CD226: variants seen among roughly 807,000 people sequenced by gnomAD.
CD226 encodes the protein CD226 antigen.
CD226 carries 24 observed loss-of-function variants against 34.9 expected under a neutral mutation model. The observed-to-expected ratio is 0.69, with a 90% confidence interval of 0.50 to 0.97. The LOEUF (loss-of-function observed/expected upper bound fraction) is 0.97. Among genes scored for constraint, CD226 ranks in the 50% least tolerant of loss-of-function variants. CD226 has a pLI of 0.00. For missense variants in CD226, 397 were observed against 412.7 expected (o/e 0.96, Z 0.33); for synonymous variants, 148 against 147.4 (o/e 1.00, Z -0.03).
At chr18:69,906,831 C>A (rs190042339) in intron 2 of CD226, among the ~76,000 whole-genome samples, 1 of 152,270 alleles carries the variant, frequency 6.6e-6, no homozygotes, top group African/African-American at 2.4e-5. Flanking sequence ...GAGCAGGAGC[C>A]GGGCTTGACT....
At chr18:69,953,600 G>A (rs1223375588) in intron 1 of CD226, among the ~76,000 whole-genome samples, 1 of 152,200 alleles carries the variant, frequency 6.6e-6, no homozygotes, top group Non-Finnish European at 1.5e-5. Flanking sequence ...ACTGTTTAAG[G>A]TATGGGGTTT....
rs1340385038 is a variant in CD226, at chr18:69,858,965, A to T, written c.*5349T>A. ...GTTGGTCTCAAACTCCTGACCTCGT[A>T]TTTTTTTTTTTCTTCAACAGTCAGT... On this transcript the variant is annotated 3_prime_UTR_variant, in exon 6 of 6. Coordinates refer to ENST00000582621, the MANE Select transcript of CD226 (RefSeq NM_001303618.2). 6.7e-6 allele frequency: 1 copy of T among 148,814 alleles called. No homozygotes were observed. The highest frequency in any genetic ancestry group is 2.5e-5 in the African/African-American group (1 of 40,492). 9.2% of individuals were successfully genotyped at this position (148,814 alleles called of 1,614,324 possible).
rs1369104257 is a variant in CD226, at chr18:69,853,678, C to T, written c.*10636G>A. The T allele has an allele frequency of 6.6e-6, 1 of 152,140 alleles. No homozygotes were observed. The highest frequency in any genetic ancestry group is 2.4e-5 in the African/African-American group (1 of 41,428). The allele number at this position is 152,140 out of a possible 1,614,324, so 9.4% of individuals were successfully genotyped here. On this transcript the variant is annotated 3_prime_UTR_variant, in exon 6 of 6. Transcript: ENST00000582621. ...GAGCTCTGTGATGAGTGAGCATCCC[C>T]AGCAGTTCATCTTTAGTTTATTTCC... is the stretch of plus-strand genomic sequence containing the variant.
At chr18:69,916,390 C>T (rs984590549) in intron 2 of CD226, among the ~76,000 whole-genome samples, 2 of 152,080 alleles carry the variant, frequency 1.3e-5, no homozygotes, top group Non-Finnish European at 2.9e-5. Flanking sequence ...TATTTCCTCT[C>T]CCAAAATATA....
At chr18:69,922,240 T>TA (rs2055460679) in intron 2 of CD226, among the ~76,000 whole-genome samples, 1 of 152,350 alleles carries the variant, frequency 6.6e-6, no homozygotes, top group South Asian at 2.1e-4. Flanking sequence ...GATTTCATTG[T>TA]CAAGAAGTAA....
At chr18:69,925,159 G>A (rs2055506505) in intron 2 of CD226, among the ~76,000 whole-genome samples, 1 of 152,140 alleles carries the variant, frequency 6.6e-6, no homozygotes, top group African/African-American at 2.4e-5. Context: ...ATTTGCAAAT[G>A]GCCACCATGC....
At chr18:69,902,578 G>T (rs1297016756) in intron 2 of CD226, among the ~76,000 whole-genome samples, 1 of 150,704 alleles carries the variant, frequency 6.6e-6, no homozygotes, top group Non-Finnish European at 1.5e-5. Context: ...AAAAAAATGT[G>T]TGTTGTGCCC....
At position 69,861,605 on chromosome 18, in the gene CD226, C is replaced by T. The variant is rs143354527; in HGVS notation, c.*2709G>A. 7.4e-6 allele frequency: 1 copy of T among 134,290 alleles called. No individual in the cohort carries two copies. The highest frequency in any genetic ancestry group is 1.6e-5 in the Non-Finnish European group (1 of 62,492). 8.3% of individuals were successfully genotyped at this position (134,290 alleles called of 1,614,324 possible). The stretch of plus-strand genomic sequence containing the variant: ...CTTAAGAAGCATTTTGCTTCCAAAG[C>T]AGCAACTTGTAAAAAGTATCTGTAT... On this transcript the variant is annotated 3_prime_UTR_variant, in exon 6 of 6. Transcript: ENST00000582621.
At chr18:69,896,897 T>C (rs561041551) in intron 2 of CD226, among the ~76,000 whole-genome samples, 6 of 152,198 alleles carry the variant, frequency 3.9e-5, no homozygotes, top group African/African-American at 2.4e-5. Flanking sequence ...CAATTCTTGA[T>C]ACCATGAAAG....
chr18:69,907,982 A>G (rs563410281), intron 2 of CD226, among the ~76,000 whole-genome samples: 1 of 146,810 alleles, frequency 6.8e-6, no homozygotes, highest in East Asian at 2.2e-4. Context: ...AGAATTATAA[A>G]TTGTCAAATT....
At chr18:69,905,529 C>T (rs2055242104) in intron 2 of CD226, among the ~76,000 whole-genome samples, 1 of 152,058 alleles carries the variant, frequency 6.6e-6, no homozygotes, top group Admixed American at 6.6e-5. Flanking sequence ...GGGCAGAGGG[C>T]AGAGAAGGAG....
rs530931220 is a variant in CD226 at position 69,937,471 on chromosome 18, T to C, written c.382+9263A>G. On this transcript the variant is annotated intron_variant, in intron 2 of 5. Transcript: ENST00000582621. ...CCTGAATTTCCTAGGTAAAATAAAA[T>C]TATATCCTCTAGACTACAATGCGAC... Among the ~76,000 whole-genome samples the C allele has an allele frequency of 3.0e-4, 45 of 152,282 alleles. 1 individual carries two copies. The South Asian group carries it at 8.9e-3, about 30-fold the overall frequency.
At chr18:69,903,430 A>G (rs1163211132) in intron 2 of CD226, among the ~76,000 whole-genome samples, 2 of 152,176 alleles carry the variant, frequency 1.3e-5, no homozygotes, top group African/African-American at 4.8e-5. Context: ...ATTTCTCTAA[A>G]AAGCTGCAAT....
intron 2 of CD226, among the ~76,000 whole-genome samples, chr18:69,930,839 G>A (rs930546825): frequency 3.9e-5 from 6 of 152,106 alleles, no homozygotes; most frequent in African/African-American, 9.7e-5. Context: ...TCCAGGTTTC[G>A]ACTCCTCTGA....
intron 2 of CD226, among the ~76,000 whole-genome samples, chr18:69,912,646 G>A (rs1426789386): frequency 1.3e-5 from 2 of 152,190 alleles, no homozygotes; most frequent in Admixed American, 6.5e-5. Flanking sequence ...TAAGAAAGAT[G>A]ATAATAATCT....
chr18:69,945,985 C>T (rs553099500), intron 2 of CD226, among the ~76,000 whole-genome samples: 19 of 151,800 alleles, frequency 1.3e-4, no homozygotes, highest in South Asian at 1.3e-3. Flanking sequence ...CTTGCCCGCA[C>T]GATTCAATTA....
rs1982741988 is a variant in CD226 at position 69,860,150 on chromosome 18, T to C, written c.*4164A>G. 1 of 152,268 alleles carries C rather than the reference T, an allele frequency of 6.6e-6. No homozygotes were observed. Among genetic ancestry groups the C allele is most frequent in the Admixed American group, 6.5e-5 (1 of 15,290 alleles). The allele number at this position is 152,268 out of a possible 1,614,324, so 9.4% of individuals were successfully genotyped here. ...TACAATGTATCATTGATTTGAATTT[T>C]TTCTGCATGTAATTCATCAGTTAAT... is the stretch of plus-strand genomic sequence containing the variant. On this transcript the variant is annotated 3_prime_UTR_variant, in exon 6 of 6. Coordinates refer to ENST00000582621, the MANE Select transcript of CD226 (RefSeq NM_001303618.2).
intron 3 of CD226, among the ~76,000 whole-genome samples, chr18:69,877,012 C>T (rs929648035): frequency 5.9e-5 from 9 of 151,904 alleles, no homozygotes; most frequent in Admixed American, 1.3e-4. Flanking sequence ...TACAGGCACC[C>T]GCCACTACGT....
At chr18:69,875,043 G>A (rs1032206727) in intron 3 of CD226, among the ~76,000 whole-genome samples, 9 of 152,052 alleles carry the variant, frequency 5.9e-5, no homozygotes, top group Non-Finnish European at 1.2e-4. Context: ...ATACATACAC[G>A]GTGCAGGTAT....
Sources: allele counts gnomAD v4.1 joint callset (sites outside exome capture counted in the v4.1 genomes callset), GRCh38; gene constraint gnomAD v4.1.1; transcripts MANE v1.5; gene names NCBI Gene and HGNC (gene_info 2026-07-23, HGNC 2026-07-21).